Variants in PLD5 observed in about 807,000 individuals in gnomAD.
PLD5 encodes the protein inactive phospholipase D5.
PLD5 carries 36 observed loss-of-function variants against 61.1 expected under a neutral mutation model. The ratio of observed to expected loss-of-function variants is 0.59; its 90% CI spans 0.45 to 0.78. The LOEUF (loss-of-function observed/expected upper bound fraction) is 0.78. Among genes scored for constraint, PLD5 ranks in the 30% least tolerant of loss-of-function variants. PLD5 has a pLI of 0.00. For missense variants in PLD5, 515 were observed against 644.4 expected (o/e 0.80, Z 2.17); for synonymous variants, 243 against 242.8 (o/e 1.00, Z -0.01).
intron 1 of PLD5, among the ~76,000 whole-genome samples, chr1:242,490,681 T>A (rs1253679085): frequency 6.6e-6 from 1 of 152,188 alleles, no homozygotes. Flanking sequence ...AGAACCCACA[T>A]CTGCATTACA....
chr1:242,125,945 A>G (rs1277583937), intron 5 of PLD5, among the ~76,000 whole-genome samples: 1 of 152,186 alleles, frequency 6.6e-6, no homozygotes, highest in African/African-American at 2.4e-5. Flanking sequence ...CTTCATTCCT[A>G]TACTTTCCCT....
rs1190674044 is a variant in PLD5, at chr1:242,317,336, G to A, written c.327-28806C>T. Among the ~76,000 whole-genome samples, 4 of 152,102 alleles carry A rather than the reference G, an allele frequency of 2.6e-5. No homozygotes were observed. In the East Asian group the frequency reaches 5.8e-4, roughly 22 times the overall value. ...GGCCTCCACTATTGATGAACATTTA[G>A]GTTGATTCTATGTCTTTGCTGTTGT... On this transcript the variant is annotated intron_variant, in intron 2 of 9. Coordinates refer to ENST00000536534, the MANE Select transcript of PLD5 (RefSeq NM_001372062.1).
chr1:242,091,530 G>A (rs1659822777), intron 9 of PLD5, among the ~76,000 whole-genome samples: 1 of 152,148 alleles, frequency 6.6e-6, no homozygotes, highest in South Asian at 2.1e-4. Context: ...CTACAGCAGT[G>A]GAAAGTCCAG....
At chr1:242,318,659 A>T (rs1395345161) in intron 2 of PLD5, among the ~76,000 whole-genome samples, 4 of 147,058 alleles carry the variant, frequency 2.7e-5, no homozygotes, top group Non-Finnish European at 4.5e-5. Flanking sequence ...TGATTTTTTA[A>T]TTTTTTTTTT....
chr1:242,132,733 A>G (rs1053518049), intron 5 of PLD5, among the ~76,000 whole-genome samples: 4 of 152,116 alleles, frequency 2.6e-5, no homozygotes, highest in Non-Finnish European at 5.9e-5. Context: ...GGTTTATACC[A>G]CTTAACTTCT....
At chr1:242,258,760 A>G (rs1673222668) in intron 4 of PLD5, among the ~76,000 whole-genome samples, 2 of 152,158 alleles carry the variant, frequency 1.3e-5, no homozygotes, top group Non-Finnish European at 2.9e-5. Flanking sequence ...AGACAACAGT[A>G]ATGCATTCTG....
intron 7 of PLD5, among the ~76,000 whole-genome samples, chr1:242,110,655 CA>C (rs1258791160): frequency 6.6e-6 from 1 of 152,066 alleles, no homozygotes; most frequent in Admixed American, 6.6e-5. Context: ...ACTAAAAATA[CA>C]AAAATTAGCT....
intron 5 of PLD5, among the ~76,000 whole-genome samples, chr1:242,187,293 C>A (rs1667967898): frequency 6.6e-6 from 1 of 152,278 alleles, no homozygotes; most frequent in East Asian, 1.9e-4. Context: ...GGTTTTCAGC[C>A]CCCTTTTGAC....
chr1:242,181,657 GT>G (rs112861899), intron 5 of PLD5, among the ~76,000 whole-genome samples: 6 of 149,614 alleles, frequency 4.0e-5, no homozygotes, highest in East Asian at 2.0e-4. Flanking sequence ...CTCTTCAATG[GT>G]TTTTTTTTGT....
rs398050176 is a variant in PLD5, at chr1:242,186,183, C to CT, written c.735+33804dup. 6.9e-3 allele frequency among the ~76,000 whole-genome samples: 961 copies of CT among 139,066 alleles called. 14 individuals carry two copies. The East Asian group carries it at 0.082, about 12-fold the overall frequency. 91.2% of individuals were successfully genotyped at this position (139,066 alleles called of 152,430 possible). On this transcript the variant is annotated intron_variant, in intron 5 of 9. Coordinates refer to ENST00000536534, the MANE Select transcript of PLD5 (RefSeq NM_001372062.1). ...ATGAAGAGAGATATATATATATATA[C>CT]TTTTTTTTTTCTTTTTTGAGATGGA... is the stretch of plus-strand genomic sequence containing the variant.
intron 2 of PLD5, among the ~76,000 whole-genome samples, chr1:242,296,313 C>T (rs1378642803): frequency 6.6e-6 from 1 of 152,124 alleles, no homozygotes; most frequent in Non-Finnish European, 1.5e-5. Flanking sequence ...ATATTTTCTC[C>T]CATTCTGTAG....
At chr1:242,370,833 AG>A in intron 1 of PLD5, among the ~76,000 whole-genome samples, 1 of 152,168 alleles carries the variant, frequency 6.6e-6, no homozygotes, top group Non-Finnish European at 1.5e-5. Context: ...TGATAAGGTG[AG>A]GGCTATTTTG....
At chr1:242,513,052 T>A (rs1218641828) in intron 1 of PLD5, among the ~76,000 whole-genome samples, 2 of 152,096 alleles carry the variant, frequency 1.3e-5, no homozygotes, top group Non-Finnish European at 1.5e-5. Flanking sequence ...GCTAATTTTT[T>A]AATTTTTTGT....
intron 4 of PLD5, among the ~76,000 whole-genome samples, chr1:242,224,157 C>T (rs764637992): frequency 6.6e-6 from 1 of 151,962 alleles, no homozygotes; most frequent in Non-Finnish European, 1.5e-5. Flanking sequence ...GTTAGAATTG[C>T]AATTAGCAAA....
intron 1 of PLD5, among the ~76,000 whole-genome samples, chr1:242,431,002 T>C (rs769259163): frequency 7.9e-5 from 12 of 152,200 alleles, no homozygotes; most frequent in Non-Finnish European, 1.8e-4. Context: ...GCATCTCCTC[T>C]GGCCTTGTCT....
intron 2 of PLD5, among the ~76,000 whole-genome samples, chr1:242,326,774 A>T (rs1658816779): frequency 6.6e-6 from 1 of 151,840 alleles, no homozygotes; most frequent in East Asian, 1.9e-4. Flanking sequence ...TGGCATGATC[A>T]CAGCTCACTG....
chr1:242,155,921 C>A (rs1352265269), intron 5 of PLD5, among the ~76,000 whole-genome samples: 1 of 152,120 alleles, frequency 6.6e-6, no homozygotes, highest in Non-Finnish European at 1.5e-5. Context: ...TTTTCTGTCT[C>A]ATTGATCTGT....
intron 4 of PLD5, among the ~76,000 whole-genome samples, chr1:242,225,859 A>G (rs1670909541): frequency 6.6e-6 from 1 of 152,238 alleles, no homozygotes; most frequent in African/African-American, 2.4e-5. Flanking sequence ...CATTTTTGCA[A>G]GAATGTAGTT....
At chr1:242,167,390 T>C (rs1430442419) in intron 5 of PLD5, among the ~76,000 whole-genome samples, 3 of 152,118 alleles carry the variant, frequency 2.0e-5, no homozygotes, top group Admixed American at 6.5e-5. Flanking sequence ...AGAGAGCATG[T>C]GCGGGGGAAC....
Sources: gnomAD v4.1 joint callset for allele counts (sites outside exome capture counted in the v4.1 genomes callset) on GRCh38, gnomAD v4.1.1 for gene constraint, MANE v1.5 for transcripts, NCBI Gene and HGNC (gene_info 2026-07-23, HGNC 2026-07-21) for gene names.